Variants in DTWD2 observed in about 807,000 individuals in gnomAD.
The protein encoded by DTWD2 is tRNA-uridine aminocarboxypropyltransferase 2.
DTWD2 carries 39 observed loss-of-function variants against 31.8 expected under a neutral mutation model. That is an observed-to-expected ratio of 1.22 (90% CI 0.95 to 1.60). The LOEUF is 1.60. Among genes scored for constraint, DTWD2 ranks in the 40% most tolerant of loss-of-function variants. The pLI, the probability that DTWD2 is intolerant of heterozygous loss-of-function variation, is 0.00. For synonymous variants in DTWD2, 180 were observed against 142.8 expected (o/e 1.26, Z -1.86); for missense variants, 515 against 381.5 (o/e 1.35, Z -2.92).
Position 118,841,096 on chromosome 5 carries a change from A to G in DTWD2, c.727-9T>C, listed in dbSNP as rs1424569903. 3 of 1,600,664 alleles carry G rather than the reference A, an allele frequency of 1.9e-6. No individual in the cohort carries two copies. The highest frequency in any genetic ancestry group is 2.6e-6 in the Non-Finnish European group (3 of 1,172,926). ...AGAGGGCGAAGCAAAGTCTGTCAAG[A>G]GAAAAAAGACACTAAAAAAGTATCT... On this transcript the variant is annotated splice_polypyrimidine_tract_variant and intron_variant, in intron 5 of 5. Coordinates refer to ENST00000510708, the MANE Select transcript of DTWD2 (RefSeq NM_173666.4).
At chr5:118,885,046 T>C (rs1752829532) in intron 4 of DTWD2, among the ~76,000 whole-genome samples, 1 of 145,316 alleles carries the variant, frequency 6.9e-6, no homozygotes, top group South Asian at 2.2e-4. Context: ...TAGTGGCTCA[T>C]GCCTGTGATC....
At chr5:118,987,078 A>G (rs1212316055) in intron 1 of DTWD2, among the ~76,000 whole-genome samples, 1 of 152,226 alleles carries the variant, frequency 6.6e-6, no homozygotes, top group Non-Finnish European at 1.5e-5. Flanking sequence ...TAAAAACTAA[A>G]TAAAACTAGC....
intron 4 of DTWD2, among the ~76,000 whole-genome samples, chr5:118,892,543 C>A (rs1238119621): frequency 6.6e-6 from 1 of 152,002 alleles, no homozygotes; most frequent in Non-Finnish European, 1.5e-5. Context: ...TGACAAAAAA[C>A]ATTCTACATT....
At chr5:118,860,240 A>AC (rs1752230441) in intron 4 of DTWD2, among the ~76,000 whole-genome samples, 1 of 149,830 alleles carries the variant, frequency 6.7e-6, no homozygotes, top group Non-Finnish European at 1.5e-5. Context: ...AATATATTAT[A>AC]ATCTTAAATG....
chr5:118,957,571 G>A (rs918644007), intron 1 of DTWD2, among the ~76,000 whole-genome samples: 3 of 151,946 alleles, frequency 2.0e-5, no homozygotes, highest in African/African-American at 7.3e-5. Context: ...CTAAAACGGT[G>A]ATATATATAA....
At chr5:118,937,272 ACT>A (rs925980797) in intron 3 of DTWD2, among the ~76,000 whole-genome samples, 5 of 151,632 alleles carry the variant, frequency 3.3e-5, no homozygotes, top group African/African-American at 1.2e-4. Flanking sequence ...CATAATTAAA[ACT>A]CTCATCATTT....
intron 4 of DTWD2, among the ~76,000 whole-genome samples, chr5:118,913,191 G>C (rs1018106770): frequency 1.3e-5 from 2 of 151,808 alleles, no homozygotes; most frequent in Non-Finnish European, 2.9e-5. Context: ...TCTTCTAATT[G>C]TCCCTAGCTT....
intron 4 of DTWD2, among the ~76,000 whole-genome samples, chr5:118,849,637 C>A (rs918197711): frequency 2.4e-4 from 36 of 152,172 alleles, no homozygotes; most frequent in Non-Finnish European, 2.9e-5. Flanking sequence ...AAATGCCTAT[C>A]AATGACAGAC....
chr5:118,945,252 A>C (rs1754304911), intron 1 of DTWD2, among the ~76,000 whole-genome samples: 1 of 152,072 alleles, frequency 6.6e-6, no homozygotes, highest in Non-Finnish European at 1.5e-5. Flanking sequence ...TATTTTACTT[A>C]CATTTTAGTG....
intron 4 of DTWD2, among the ~76,000 whole-genome samples, chr5:118,852,956 T>C (rs1752045555): frequency 6.6e-6 from 1 of 152,146 alleles, no homozygotes; most frequent in Non-Finnish European, 1.5e-5. Context: ...TGTGAATTAA[T>C]GCAGGAACAG....
Position 118,841,090 on chromosome 5 carries a change from G to A in DTWD2, c.727-3C>T. The A allele has an allele frequency of 6.2e-7, 1 of 1,604,128 alleles. No homozygotes were observed. Among genetic ancestry groups the A allele is most frequent in the Middle Eastern group, 1.7e-4 (1 of 6,042 alleles). On this transcript the variant is annotated splice_region_variant and splice_polypyrimidine_tract_variant and intron_variant, in intron 5 of 5. Coordinates refer to ENST00000510708, the MANE Select transcript of DTWD2 (RefSeq NM_173666.4). Reference sequence around the variant, plus strand: ...GCTTGAAGAGGGCGAAGCAAAGTCTGTCAAGAGAAAAAAGACACTAAAAAA... The same window carrying A: ...GCTTGAAGAGGGCGAAGCAAAGTCTATCAAGAGAAAAAAGACACTAAAAAA...
intron 4 of DTWD2, among the ~76,000 whole-genome samples, chr5:118,884,389 A>C (rs1222347212): frequency 6.6e-6 from 1 of 152,228 alleles, no homozygotes; most frequent in East Asian, 1.9e-4. Context: ...TCTCCTTCAG[A>C]AATCAGTGTC....
At chr5:118,843,297 A>G (rs1437176608) in intron 5 of DTWD2, among the ~76,000 whole-genome samples, 1 of 150,216 alleles carries the variant, frequency 6.7e-6, no homozygotes, top group African/African-American at 2.5e-5. Context: ...AAGGAAGGGA[A>G]AGGAAGGGAA....
At chr5:118,968,540 C>T (rs924949814) in intron 1 of DTWD2, among the ~76,000 whole-genome samples, 9 of 152,142 alleles carry the variant, frequency 5.9e-5, no homozygotes, top group African/African-American at 2.2e-4. Context: ...CCAGGGAAGG[C>T]CCTACCCCAG....
intron 4 of DTWD2, among the ~76,000 whole-genome samples, chr5:118,927,459 C>A (rs1334347673): frequency 1.3e-5 from 2 of 151,852 alleles, no homozygotes; most frequent in Non-Finnish European, 1.5e-5. Context: ...TTTAAAAGTT[C>A]TATAAAATAG....
chr5:118,967,137 C>T (rs1300666760), intron 1 of DTWD2, among the ~76,000 whole-genome samples: 1 of 147,812 alleles, frequency 6.8e-6, no homozygotes, highest in Non-Finnish European at 1.5e-5. Context: ...TAGGGTTGAA[C>T]AAATAATCAA....
intron 4 of DTWD2, among the ~76,000 whole-genome samples, chr5:118,876,857 CTCCTCCCAAA>C (rs1752632571): frequency 6.6e-6 from 1 of 152,142 alleles, no homozygotes; most frequent in Non-Finnish European, 1.5e-5. Context: ...GGAGGAGGGA[CTCCTCCCAAA>C]CTCATTCTGC....
chr5:118,870,323 T>A (rs568139262), intron 4 of DTWD2, among the ~76,000 whole-genome samples: 1 of 152,182 alleles, frequency 6.6e-6, no homozygotes, highest in Non-Finnish European at 1.5e-5. Flanking sequence ...TACATCAGAA[T>A]AGCTGAATAA....
At chr5:118,942,358 A>G (rs1279099479) in intron 2 of DTWD2, among the ~76,000 whole-genome samples, 3 of 152,042 alleles carry the variant, frequency 2.0e-5, no homozygotes, top group Non-Finnish European at 2.9e-5. Flanking sequence ...ACAGAAAATA[A>G]TAATAATAGA....
Sources: gnomAD v4.1 joint callset for allele counts (sites outside exome capture counted in the v4.1 genomes callset) on GRCh38, gnomAD v4.1.1 for gene constraint, MANE v1.5 for transcripts, NCBI Gene and HGNC (gene_info 2026-07-23, HGNC 2026-07-21) for gene names.